UBE2N: variants seen among roughly 807,000 people sequenced by gnomAD.
The protein encoded by UBE2N is ubiquitin-conjugating enzyme E2 N.
For missense variants in UBE2N, 60 were observed against 192.1 expected (o/e 0.31, Z 4.07); for synonymous variants, 70 against 69.2 (o/e 1.01, Z -0.06).
Position 93,429,638 on chromosome 12 carries a change from G to A in UBE2N, c.30+12217C>T, listed in dbSNP as rs192786449. Among the ~76,000 whole-genome samples, 4 of 151,708 alleles carry A rather than the reference G, an allele frequency of 2.6e-5. No individual in the cohort carries two copies. In the East Asian group the frequency reaches 7.8e-4, roughly 29 times the overall value. On this transcript the variant is annotated intron_variant, in intron 1 of 3. Transcript: ENST00000318066. ...AGGAGGTATTCCAGAAGGCACTGTT[G>A]TCACAGGAGATGACAGCTCCATGTG...
At chr12:93,415,948 A>T (rs1878193918) in intron 1 of UBE2N, among the ~76,000 whole-genome samples, 1 of 152,214 alleles carries the variant, frequency 6.6e-6, no homozygotes, top group African/African-American at 2.4e-5. Flanking sequence ...TCACCCTCAA[A>T]ATCAGATATT....
In UBE2N at chr12:93,408,431, C is replaced by T. The variant is rs1487937514; in HGVS notation, c.*1608G>A. 1 of 152,054 alleles carries T rather than the reference C, an allele frequency of 6.6e-6. No homozygotes were observed. The highest frequency in any genetic ancestry group is 1.5e-5 in the Non-Finnish European group (1 of 67,992). 9.4% of individuals were successfully genotyped at this position (152,054 alleles called of 1,614,324 possible). On this transcript the variant is annotated 3_prime_UTR_variant, in exon 4 of 4. Transcript: ENST00000318066. ...TCTTACATAGGAGCACAATAAAATA[C>T]ACCACAATCTGAAGAAACTCCAGAA...
At chr12:93,439,071 C>G (rs1489388160) in intron 1 of UBE2N, among the ~76,000 whole-genome samples, 1 of 152,192 alleles carries the variant, frequency 6.6e-6, no homozygotes, top group African/African-American at 2.4e-5. Context: ...AAATAGTGAT[C>G]ATTATAAGTT....
chr12:93,437,573 G>A (rs1878970692), intron 1 of UBE2N, among the ~76,000 whole-genome samples: 1 of 152,136 alleles, frequency 6.6e-6, no homozygotes, highest in South Asian at 2.1e-4. Context: ...GAGGCAGGTG[G>A]ATCACTTGAG....
chr12:93,414,162 A>G (rs1878122849), intron 1 of UBE2N, among the ~76,000 whole-genome samples: 1 of 143,048 alleles, frequency 7.0e-6, no homozygotes, highest in Admixed American at 7.1e-5. Flanking sequence ...CTCCATCTCA[A>G]AAAAAGTCTG....
intron 1 of UBE2N, among the ~76,000 whole-genome samples, chr12:93,412,391 G>C (rs955326033): frequency 6.6e-6 from 1 of 152,150 alleles, no homozygotes; most frequent in South Asian, 2.1e-4. Flanking sequence ...TTTTTCTCCT[G>C]TATAGATGAA....
intron 1 of UBE2N, among the ~76,000 whole-genome samples, chr12:93,432,282 A>G (rs1458669999): frequency 6.6e-6 from 1 of 152,192 alleles, no homozygotes; most frequent in African/African-American, 2.4e-5. Flanking sequence ...GCTTACTGGT[A>G]AATGCATATT....
intron 1 of UBE2N, among the ~76,000 whole-genome samples, chr12:93,426,205 T>C: frequency 6.6e-6 from 1 of 152,056 alleles, no homozygotes. Context: ...AGCACAAACT[T>C]ACACACTAGG....
intron 1 of UBE2N, among the ~76,000 whole-genome samples, chr12:93,435,621 C>T (rs943371366): frequency 3.3e-5 from 5 of 152,042 alleles, no homozygotes; most frequent in East Asian, 1.9e-4. Context: ...GCAAGACTCC[C>T]GTCTCAAATA....
At position 93,438,639 on chromosome 12, in the gene UBE2N, G is replaced by C. The variant is rs1269734869; in HGVS notation, c.30+3216C>G. Among the ~76,000 whole-genome samples, 8 of 152,228 alleles carry C rather than the reference G, an allele frequency of 5.3e-5. No homozygotes were observed. The East Asian group carries it at 1.3e-3, about 26-fold the overall frequency. ...AGAACCTCTACAGTTTTTAGCAGGGGAGTAACATGGTCTATATTTTAAGAA... is the reference window on the plus strand; with the variant it reads ...AGAACCTCTACAGTTTTTAGCAGGGCAGTAACATGGTCTATATTTTAAGAA... On this transcript the variant is annotated intron_variant, in intron 1 of 3. Coordinates refer to ENST00000318066, the MANE Select transcript of UBE2N (RefSeq NM_003348.4).
chr12:93,426,815 G>A (rs888423305), intron 1 of UBE2N, among the ~76,000 whole-genome samples: 25 of 152,150 alleles, frequency 1.6e-4, no homozygotes. Context: ...GGAGTGTTAA[G>A]GGAAAACTGC....
intron 3 of UBE2N, 117 bp from the exon 4 acceptor site, chr12:93,410,196 A>C (rs1351824225): frequency 3.0e-6 from 3 of 995,398 alleles, no homozygotes; most frequent in Admixed American, 2.6e-5. Flanking sequence ...GTAATCTGTT[A>C]AATTCACGCC....
intron 1 of UBE2N, among the ~76,000 whole-genome samples, chr12:93,432,920 T>A (rs954006347): frequency 2.8e-5 from 4 of 143,034 alleles, no homozygotes; most frequent in African/African-American, 1.0e-4. Flanking sequence ...AATTTTAGAA[T>A]AGCTTCATTC....
intron 1 of UBE2N, among the ~76,000 whole-genome samples, chr12:93,421,295 G>A (rs547717625): frequency 2.9e-4 from 44 of 151,784 alleles, no homozygotes; most frequent in African/African-American, 9.2e-4. Flanking sequence ...TCCACCTCCC[G>A]GGTTCACACC....
intron 1 of UBE2N, among the ~76,000 whole-genome samples, chr12:93,429,808 G>A (rs1483098475): frequency 6.6e-6 from 1 of 151,956 alleles, no homozygotes; most frequent in Non-Finnish European, 1.5e-5. Flanking sequence ...AGAGAAAAAA[G>A]CTTATAGGAT....
intron 1 of UBE2N, among the ~76,000 whole-genome samples, chr12:93,421,670 T>C (rs375918302): frequency 2.0e-5 from 3 of 152,108 alleles, no homozygotes; most frequent in African/African-American, 7.2e-5. Flanking sequence ...CAGAAAAGTA[T>C]AGTCTTATTA....
At position 93,441,922 on chromosome 12, in the gene UBE2N, C is replaced by G. The variant is rs773468420; in HGVS notation, c.-38G>C. 4.5e-6 allele frequency: 7 copies of G among 1,559,032 alleles called. No individual in the cohort carries two copies. Among genetic ancestry groups the G allele is most frequent in the Admixed American group, 3.8e-5 (2 of 52,312 alleles). ...CGAGTTCGGCCTCTGGTCTCGTCTC[C>G]GGCTCCTCTCGCCTCACGCACGAGT... is the stretch of plus-strand genomic sequence containing the variant. On this transcript the variant is annotated 5_prime_UTR_variant, in exon 1 of 4. Transcript: ENST00000318066.
intron 1 of UBE2N, among the ~76,000 whole-genome samples, chr12:93,428,919 G>A (rs938400838): frequency 3.9e-5 from 6 of 152,172 alleles, no homozygotes; most frequent in African/African-American, 1.4e-4. Context: ...AGCACTTTTA[G>A]TTTAACCCTT....
chr12:93,414,599 G>A (rs1158000423), intron 1 of UBE2N, among the ~76,000 whole-genome samples: 1 of 151,918 alleles, frequency 6.6e-6, no homozygotes, highest in African/African-American at 2.4e-5. Context: ...ACAAAAATTA[G>A]CTTCCTTGTA....
Sources: allele counts gnomAD v4.1 joint callset (sites outside exome capture counted in the v4.1 genomes callset), GRCh38; gene constraint gnomAD v4.1.1; transcripts MANE v1.5; gene names NCBI Gene and HGNC (gene_info 2026-07-23, HGNC 2026-07-21).